EIF2AK1: variants seen among roughly 807,000 people sequenced by gnomAD.
EIF2AK1 encodes eukaryotic translation initiation factor 2 alpha kinase 1, also known as eukaryotic translation initiation factor 2-alpha kinase 1.
In EIF2AK1, 54 loss-of-function variants were observed where a neutral mutation model predicts 77.9. The ratio of observed to expected loss-of-function variants is 0.69; its 90% CI spans 0.56 to 0.87. The LOEUF (loss-of-function observed/expected upper bound fraction) is 0.87, where lower values mean the gene tolerates loss of function less well. Ranked by LOEUF, EIF2AK1 falls within the 40% of genes least tolerant of loss-of-function variation. The pLI is 0.00. For synonymous variants in EIF2AK1, 314 were observed against 290.5 expected (o/e 1.08, Z -0.82); for missense variants, 810 against 768.6 (o/e 1.05, Z -0.64).
rs1787788944 is a variant in EIF2AK1 at position 6,027,700 on chromosome 7, G to A, written c.1531-739C>T. On this transcript the variant is annotated intron_variant, in intron 13 of 14. Coordinates refer to ENST00000199389, the MANE Select transcript of EIF2AK1 (RefSeq NM_014413.4). This position sits in a 1 kb window ranked among gnomAD's most constrained non-coding sequence, Gnocchi z 4.5. ...TTGAAAAAAACCAATGAGAAGAAAG[G>A]CTGAAAACAGGCTTCCATGAATTCT... Among the ~76,000 whole-genome samples the A allele has an allele frequency of 6.6e-6, 1 of 151,952 alleles. No homozygotes were observed. Among genetic ancestry groups the A allele is most frequent in the African/African-American group, 2.4e-5 (1 of 41,364 alleles).
intron 5 of EIF2AK1, 31 bp from the exon 6 acceptor site, chr7:6,046,182 T>C (rs760344656): frequency 2.3e-6 from 3 of 1,296,230 alleles, no homozygotes; most frequent in African/African-American, 1.5e-5. Flanking sequence ...CAAAGTATAT[T>C]GTGTCATTAA....
In EIF2AK1 at chr7:6,033,876, G is replaced by T. The variant is rs1425759693; in HGVS notation, c.1332+3548C>A. Among the ~76,000 whole-genome samples, 3 of 151,978 alleles carry T rather than the reference G, an allele frequency of 2.0e-5. No homozygotes were observed. The highest frequency in any genetic ancestry group is 4.4e-5 in the Non-Finnish European group (3 of 67,990). On this transcript the variant is annotated intron_variant, in intron 11 of 14. Transcript: ENST00000199389. This position sits in a 1 kb window ranked among gnomAD's most constrained non-coding sequence, Gnocchi z 4.4. ...GAGCCGCCGTGCCTGGCCGACAATG[G>T]ATTTTCTTGTTTATTACTCTCCACT...
intron 4 of EIF2AK1, 91 bp downstream of exon 4, chr7:6,048,716 A>C: frequency 9.5e-7 from 1 of 1,055,108 alleles, no homozygotes; most frequent in Non-Finnish European, 1.4e-6. Flanking sequence ...AATAATACTA[A>C]CAATATTATG....
chr7:6,035,568 A>G lies in EIF2AK1; in HGVS notation c.1332+1856T>C, dbSNP rs1200422826. ...GACAGACATTCAGAATAGCAGCATC[A>G]CATGTCTCCGCATCTTGTGTGCGCA... On this transcript the variant is annotated intron_variant, in intron 11 of 14. Transcript: ENST00000199389. The surrounding 1 kb of genome is among the most constrained non-coding windows in gnomAD (Gnocchi z 5.5). The G allele has an allele frequency of 2.6e-6, 4 of 1,551,100 alleles. No individual in the cohort carries two copies. Among genetic ancestry groups the G allele is most frequent in the Admixed American group, 2.0e-5 (1 of 50,976 alleles).
chr7:6,023,487 C>T lies in EIF2AK1; in HGVS notation c.*1186G>A, dbSNP rs761988750. The T allele has an allele frequency of 4.3e-6, 7 of 1,614,152 alleles. No homozygotes were observed. The highest frequency in any genetic ancestry group is 1.6e-4 in the Middle Eastern group (1 of 6,062). The stretch of plus-strand genomic sequence containing the variant: ...AAGAGGGAAGCAGTAAAGAAAAAGC[C>T]GCTGTTTTCCGCTCCATGAACTCTG... On this transcript the variant is annotated 3_prime_UTR_variant, in exon 15 of 15. Transcript: ENST00000199389.
chr7:6,043,006 AAAC>A lies in EIF2AK1; in HGVS notation c.731-16_731-14del, dbSNP rs1397201633. 2.5e-6 allele frequency: 4 copies of A among 1,613,726 alleles called. No homozygotes were observed. The highest frequency in any genetic ancestry group is 3.3e-5 in the Admixed American group (2 of 59,920). On this transcript the variant is annotated splice_polypyrimidine_tract_variant and intron_variant, in intron 7 of 14. Transcript: ENST00000199389. ...GCAGCTCTGTCTGCTGAATGAAAACAAACAACAATCATCTTCAAACAGCCCAGT... is the reference window on the plus strand; with the variant it reads ...GCAGCTCTGTCTGCTGAATGAAAACAAACAATCATCTTCAAACAGCCCAGT...
At chr7:6,052,518 T>C (rs1327147179) in intron 2 of EIF2AK1, among the ~76,000 whole-genome samples, 1 of 150,186 alleles carries the variant, frequency 6.7e-6, no homozygotes, top group Non-Finnish European at 1.5e-5. Flanking sequence ...ATAATGTATC[T>C]TTAACTAAAA....
At chr7:6,038,277 T>G (rs1253816592) in intron 10 of EIF2AK1, among the ~76,000 whole-genome samples, 1 of 151,752 alleles carries the variant, frequency 6.6e-6, no homozygotes, top group Non-Finnish European at 1.5e-5. Context: ...AAAATTTTGT[T>G]TTTCAAAATC....
chr7:6,048,790 A>T lies in EIF2AK1; in HGVS notation c.449+17T>A. The stretch of plus-strand genomic sequence containing the variant: ...TTTTCAATAGTCTGCATAATCAAGA[A>T]AGTTTTTCACACATACCTGATTTTC... On this transcript the variant is annotated intron_variant, in intron 4 of 14. Transcript: ENST00000199389. The T allele has an allele frequency of 6.4e-7, 1 of 1,572,860 alleles. No homozygotes were observed. Among genetic ancestry groups the T allele is most frequent in the Non-Finnish European group, 8.6e-7 (1 of 1,160,040 alleles).
intron 3 of EIF2AK1, among the ~76,000 whole-genome samples, 168 bp from the exon 4 acceptor site, chr7:6,049,012 G>C (rs1231938992): frequency 1.3e-5 from 2 of 152,100 alleles, no homozygotes; most frequent in Non-Finnish European, 2.9e-5. Flanking sequence ...ATACTTCAAA[G>C]CTGAGAACAG....
At position 6,038,624 on chromosome 7, in the gene EIF2AK1, G is replaced by A. The variant is rs1788177070; in HGVS notation, c.1167C>T (p.Leu389=). ...TCTCGACTATCCAATCCCACAGCGA[G>A]AGCTCACACAGCTGCATCTGGATGT... is the stretch of plus-strand genomic sequence containing the variant. ...MLHIQMQLCE[L]SLWDWIVERN... is the part of the protein sequence containing the mutation. The change falls in exon 10 of 15, where the codon CTC becomes CTT. Residue 389 remains leucine, a synonymous_variant. Transcript: ENST00000199389. 1.2e-6 allele frequency: 2 copies of A among 1,613,212 alleles called. No homozygotes were observed. Among genetic ancestry groups the A allele is most frequent in the Non-Finnish European group, 1.7e-6 (2 of 1,179,662 alleles).
chr7:6,035,880 G>A lies in EIF2AK1; in HGVS notation c.1332+1544C>T. On this transcript the variant is annotated intron_variant, in intron 11 of 14. Coordinates refer to ENST00000199389, the MANE Select transcript of EIF2AK1 (RefSeq NM_014413.4). This position sits in a 1 kb window ranked among gnomAD's most constrained non-coding sequence, Gnocchi z 5.5. ...AGTGTGCACTGCATCAAGCAAAGCA[G>A]GCCGACTCCTCGGGGCGGGGGTCAG... 2 of 1,547,054 alleles carry A rather than the reference G, an allele frequency of 1.3e-6. No homozygotes were observed. The highest frequency in any genetic ancestry group is 1.2e-5 in the South Asian group (1 of 83,622).
At chr7:6,024,828 C>T (rs1478962236) in intron 14 of EIF2AK1, 27 bp from the exon 15 acceptor site, 1 of 1,382,984 alleles carries the variant, frequency 7.2e-7, no homozygotes. Flanking sequence ...TTTTAAACTC[C>T]ATTAAAATAA....
intron 6 of EIF2AK1, 50 bp downstream of exon 6, chr7:6,046,021 A>T: frequency 3.9e-6 from 5 of 1,271,458 alleles, no homozygotes; most frequent in Non-Finnish European, 5.4e-6. Flanking sequence ...CTCTTTCAAA[A>T]AGAACTAAAT....
At chr7:6,057,868 G>A (rs1788831360) in intron 1 of EIF2AK1, among the ~76,000 whole-genome samples, 1 of 152,104 alleles carries the variant, frequency 6.6e-6, no homozygotes, top group Non-Finnish European at 1.5e-5. Context: ...GACCTCAGGT[G>A]ATCCGCCCAC....
Position 6,036,059 on chromosome 7 carries a change from C to T in EIF2AK1, c.1332+1365G>A, listed in dbSNP as rs768016412. ...CAAATGTTAACATTTTAACAAGAAA[C>T]GGGGAATCTCCAATTTATATGTACC... On this transcript the variant is annotated intron_variant, in intron 11 of 14. Coordinates refer to ENST00000199389, the MANE Select transcript of EIF2AK1 (RefSeq NM_014413.4). The surrounding 1 kb of genome is among the most constrained non-coding windows in gnomAD (Gnocchi z 4.6). 123 of 1,550,812 alleles carry T rather than the reference C, an allele frequency of 7.9e-5. No homozygotes were observed. The highest frequency in any genetic ancestry group is 3.3e-4 in the Middle Eastern group (2 of 6,014).
chr7:6,028,595 C>CA lies in EIF2AK1; in HGVS notation c.1530+19dup, dbSNP rs753685999. 5.6e-6 allele frequency: 9 copies of CA among 1,612,140 alleles called. No homozygotes were observed. The highest frequency in any genetic ancestry group is 6.8e-6 in the Non-Finnish European group (8 of 1,178,220). On this transcript the variant is annotated intron_variant, in intron 13 of 14. Coordinates refer to ENST00000199389, the MANE Select transcript of EIF2AK1 (RefSeq NM_014413.4). Reference sequence around the variant, plus strand: ...CTGCAGAATAAGTTGAATGAAAGGGCAGAAAGCAACAAATACTACCTTGGC... The same window carrying CA: ...CTGCAGAATAAGTTGAATGAAAGGGCAAGAAAGCAACAAATACTACCTTGGC...
At chr7:6,050,107 G>T (rs1788565051) in intron 2 of EIF2AK1, 62 bp from the exon 3 acceptor site, 1 of 1,388,184 alleles carries the variant, frequency 7.2e-7, no homozygotes, top group East Asian at 2.5e-5. Context: ...CAATTTTAAA[G>T]TGTACACAGA....
rs1186359794 is a variant in EIF2AK1 at position 6,024,018 on chromosome 7, C to G, written c.*655G>C. 1.3e-5 allele frequency: 17 copies of G among 1,326,850 alleles called. No individual in the cohort carries two copies. The highest frequency in any genetic ancestry group is 1.7e-5 in the Non-Finnish European group (17 of 1,014,682). The allele number at this position is 1,326,850 out of a possible 1,614,324, so 82.2% of individuals were successfully genotyped here. ...AAGGAGGAAGTACCGGGGAACAGTGCAGGGCAAAGGCAGGAAAGAGATCTG... is the reference window on the plus strand; with the variant it reads ...AAGGAGGAAGTACCGGGGAACAGTGGAGGGCAAAGGCAGGAAAGAGATCTG... On this transcript the variant is annotated 3_prime_UTR_variant, in exon 15 of 15. Transcript: ENST00000199389.
Sources: allele counts gnomAD v4.1 joint callset (sites outside exome capture counted in the v4.1 genomes callset), GRCh38; gene constraint gnomAD v4.1.1; non-coding constraint Gnocchi (gnomAD v3.1); transcripts MANE v1.5; gene names NCBI Gene and HGNC (gene_info 2026-07-23, HGNC 2026-07-21).